Variants in KRT84 observed in about 807,000 individuals in gnomAD.
KRT84 encodes keratin 84, also known as keratin, type II cuticular Hb4.
Under a neutral mutation model 49.0 loss-of-function variants are expected in KRT84, and 38 were observed. That is an observed-to-expected ratio of 0.78 (90% CI 0.60 to 1.02). The LOEUF is 1.02. Ranked by LOEUF, KRT84 falls within the 50% of genes least tolerant of loss-of-function variation. The probability of loss-of-function intolerance (pLI) is 0.00; values close to 1 mark genes in which losing one functional copy is unlikely to be tolerated. For synonymous variants in KRT84, 334 were observed against 312.8 expected (o/e 1.07, Z -0.72); for missense variants, 860 against 788.6 (o/e 1.09, Z -1.08).
intron 1 of KRT84, 38 bp downstream of exon 1, chr12:52,385,002 A>G: frequency 1.3e-6 from 2 of 1,567,414 alleles, no homozygotes; most frequent in Non-Finnish European, 1.7e-6. Flanking sequence ...TTTTGGCTGT[A>G]ATATTCCTAG....
chr12:52,381,015 G>A (rs1436699016), intron 6 of KRT84, 65 bp downstream of exon 6: 5 of 1,584,288 alleles, frequency 3.2e-6, no homozygotes, highest in Non-Finnish European at 4.3e-6. Flanking sequence ...TAGACTTGGG[G>A]GTTCCCAAAG....
rs115344695 is a variant in KRT84, at chr12:52,382,345, T to C, written c.912+92A>G. On this transcript the variant is annotated intron_variant, in intron 4 of 8. Transcript: ENST00000257951. ...GAGAGGAAAGATATATGATAGCAAA[T>C]GTTTGAAAATATGCTAGCCCAGGCT... is the stretch of plus-strand genomic sequence containing the variant. 15 of 821,034 alleles carry C rather than the reference T, an allele frequency of 1.8e-5. No individual in the cohort carries two copies. The South Asian group carries it at 2.1e-4, about 11-fold the overall frequency. 50.9% of individuals were successfully genotyped at this position (821,034 alleles called of 1,614,324 possible).
In KRT84 at chr12:52,378,292, T is replaced by C; in HGVS notation, c.1545A>G (p.Ser515=). ...STLSRGGVTF[S]GSSSVCATSG... is the part of the protein sequence containing the mutation. ...TGGTGGCACAGACGCTGCTGCTACC[T>C]GAGAAGGTGACCCCGCCGCGGGAGA... is the stretch of plus-strand genomic sequence containing the variant. The change falls in exon 9 of 9, where the codon TCA becomes TCG. Residue 515 remains serine, a synonymous_variant. Coordinates refer to ENST00000257951, the MANE Select transcript of KRT84 (RefSeq NM_033045.4). The C allele has an allele frequency of 6.5e-7, 1 of 1,543,596 alleles. No individual in the cohort carries two copies. Among genetic ancestry groups the C allele is most frequent in the Non-Finnish European group, 8.7e-7 (1 of 1,146,448 alleles).
Position 52,383,898 on chromosome 12 carries a change from G to A in KRT84, c.547-100C>T, listed in dbSNP as rs75316369. ...GCCAGCGATGACTTGACCACATGTCGACAGGGTTCTCTCCTCTGCTGACTT... is the reference window on the plus strand; with the variant it reads ...GCCAGCGATGACTTGACCACATGTCAACAGGGTTCTCTCCTCTGCTGACTT... On this transcript the variant is annotated intron_variant, in intron 1 of 8. Transcript: ENST00000257951. 4.8e-3 allele frequency: 4,432 copies of A among 929,290 alleles called. 20 individuals carry two copies. The highest frequency in any genetic ancestry group is 6.0e-3 in the Non-Finnish European group (3,654 of 609,606). 57.6% of individuals were successfully genotyped at this position (929,290 alleles called of 1,614,324 possible).
At chr12:52,383,094 C>T (rs1433074578) in intron 2 of KRT84, 29 bp from the exon 3 acceptor site, 2 of 1,600,004 alleles carry the variant, frequency 1.3e-6, no homozygotes, top group East Asian at 4.5e-5. Flanking sequence ...AGGGTGAGTG[C>T]TTACTCTGAA....
rs531875451 is a variant in KRT84, at chr12:52,378,227, G to A, written c.1610C>T (p.Ala537Val). 32 of 1,566,800 alleles carry A rather than the reference G, an allele frequency of 2.0e-5. No individual in the cohort carries two copies. In the South Asian group the frequency reaches 3.6e-4, roughly 18 times the overall value. The part of the protein sequence containing the change: ...LASCGPSLGG[A>V]RVAPATGDLL... ...GTCCCCAGTGGCCGGGGCGACCCGG[G>A]CTCCACCCAGGCTGGGGCCACAGGA... Residue 537 changes from alanine (A) to valine (V), a missense_variant, in exon 9 of 9, where the codon GCC becomes GTC. By Grantham distance (64) the Ala-to-Val change is moderately conservative. Coordinates refer to ENST00000257951, the MANE Select transcript of KRT84 (RefSeq NM_033045.4).
At chr12:52,381,026 C>G (rs958115245) in intron 6 of KRT84, 54 bp downstream of exon 6, 2 of 1,596,338 alleles carry the variant, frequency 1.3e-6, no homozygotes, top group African/African-American at 1.3e-5. Context: ...GTTCCCAAAG[C>G]CTGAGGCCCT....
Position 52,381,193 on chromosome 12 carries a change from G to T in KRT84, c.1090C>A (p.Gln364Lys), listed in dbSNP as rs1592147215. The T allele has an allele frequency of 6.2e-7, 1 of 1,614,160 alleles. No homozygotes were observed. The highest frequency in any genetic ancestry group is 8.5e-7 in the Non-Finnish European group (1 of 1,180,038). Residue 364 changes from glutamine to lysine, a missense_variant, in exon 6 of 9, where the codon CAG becomes AAG. Gln to Lys is a moderately conservative substitution (Grantham distance 53, BLOSUM62 1). Coordinates refer to ENST00000257951, the MANE Select transcript of KRT84 (RefSeq NM_033045.4). ...AWYQTKYEEM[Q>K]VTAGQHCDNL... ...TCACAGTGTTGGCCAGCTGTCACCT[G>T]CATCTCTTCATACTGCGGAGAGAGG...
rs781387594 is a variant in KRT84 at position 52,380,059 on chromosome 12, G to T, written c.1425-152C>A. 6 of 724,632 alleles carry T rather than the reference G, an allele frequency of 8.3e-6. No homozygotes were observed. In the South Asian group the frequency reaches 9.2e-5, roughly 11 times the overall value. The allele number at this position is 724,632 out of a possible 1,614,324, so 44.9% of individuals were successfully genotyped here. A position where few individuals can be genotyped will look rare whatever the true frequency, so the allele number is the denominator to read the frequency against. On this transcript the variant is annotated intron_variant, in intron 7 of 8. Transcript: ENST00000257951. ...ACATCTGGGGAGCGTTGAAAAACAC[G>T]TTCTTAGACCCTATCCCAAAACCAT...
chr12:52,379,807 G>A, intron 8 of KRT84, 69 bp downstream of exon 8: 6 of 1,349,664 alleles, frequency 4.4e-6, no homozygotes, highest in Non-Finnish European at 6.4e-6. Flanking sequence ...TGACCCCAGT[G>A]TGAGCCTGAG....
rs777211528 is a variant in KRT84 at position 52,381,347 on chromosome 12, C to A, written c.1077+14G>T. ...AGAGCTGCCTACATCCCTTCCCCAG[C>A]CTCCACTGCCCACCTTGGTCTGGTA... On this transcript the variant is annotated intron_variant, in intron 5 of 8. Coordinates refer to ENST00000257951, the MANE Select transcript of KRT84 (RefSeq NM_033045.4). 1.2e-6 allele frequency: 2 copies of A among 1,614,114 alleles called. No homozygotes were observed. Among genetic ancestry groups the A allele is most frequent in the African/African-American group, 1.3e-5 (1 of 75,062 alleles).
chr12:52,384,354 T>C (rs1939538372), intron 1 of KRT84, among the ~76,000 whole-genome samples: 1 of 152,184 alleles, frequency 6.6e-6, no homozygotes, highest in Non-Finnish European at 1.5e-5. Flanking sequence ...TATCCTTCAT[T>C]CTCAGACATA....
At position 52,377,965 on chromosome 12, in the gene KRT84, C is replaced by A. The variant is rs908325753; in HGVS notation, c.*69G>T. The A allele has an allele frequency of 1.0e-5, 13 of 1,262,384 alleles. No individual in the cohort carries two copies. The African/African-American group carries it at 1.6e-4, about 15-fold the overall frequency. The allele number at this position is 1,262,384 out of a possible 1,614,324, so 78.2% of individuals were successfully genotyped here. On this transcript the variant is annotated 3_prime_UTR_variant, in exon 9 of 9. Transcript: ENST00000257951. ...GACCGTCAAGCCCAGAGCCCACGAA[C>A]CCTGGGGGCAGAAGCAGGAGCCGTG...
At chr12:52,384,978 A>G (rs2121445474) in intron 1 of KRT84, 62 bp downstream of exon 1, 1 of 1,493,088 alleles carries the variant, frequency 6.7e-7, no homozygotes, top group Middle Eastern at 2.4e-4. Flanking sequence ...TAAGGGAAAG[A>G]GCACTCTAGC....
At chr12:52,378,453 AC>A in intron 8 of KRT84, 73 bp from the exon 9 acceptor site, 1 of 1,250,196 alleles carries the variant, frequency 8.0e-7, no homozygotes, top group Non-Finnish European at 1.1e-6. Flanking sequence ...CCTGGGCTGC[AC>A]CTCCGGGTCT....
At chr12:52,381,880 G>A (rs1939490964) in intron 4 of KRT84, among the ~76,000 whole-genome samples, 1 of 152,182 alleles carries the variant, frequency 6.6e-6, no homozygotes, top group African/African-American at 2.4e-5. Context: ...ACAGACCGTT[G>A]AGACCTGACA....
rs925829103 is a variant in KRT84 at position 52,378,399 on chromosome 12, T to C, written c.1457-19A>G. The C allele has an allele frequency of 8.3e-6, 12 of 1,438,454 alleles. No individual in the cohort carries two copies. The highest frequency in any genetic ancestry group is 7.3e-6 in the Non-Finnish European group (8 of 1,098,696). 89.1% of individuals were successfully genotyped at this position (1,438,454 alleles called of 1,614,324 possible). A position where few individuals can be genotyped will look rare whatever the true frequency, so the allele number is the denominator to read the frequency against. ...CTGACGGCTGCGGAGAAAGAAAGCATCAGGGAGGCTGCCGACACCAGGGCC... is the reference window on the plus strand; with the variant it reads ...CTGACGGCTGCGGAGAAAGAAAGCACCAGGGAGGCTGCCGACACCAGGGCC... On this transcript the variant is annotated intron_variant, in intron 8 of 8. Transcript: ENST00000257951.
rs368914481 is a variant in KRT84, at chr12:52,382,489, T to C, written c.860A>G (p.Asn287Ser). ...AATTTCCTGAGTTAGGGTATCCACG[T>C]TGGCCTCGAGATCAGACTTGTTCAT... The part of the protein sequence containing the change: ...AFMNKSDLEA[N>S]VDTLTQEIDF... Residue 287 changes from asparagine (N) to serine (S), a missense_variant, in exon 4 of 9, where the codon AAC (asparagine) becomes AGC (serine). By Grantham distance (46) the Asn-to-Ser change is conservative (BLOSUM62 1). Coordinates refer to ENST00000257951, the MANE Select transcript of KRT84 (RefSeq NM_033045.4). The C allele has an allele frequency of 1.2e-6, 2 of 1,614,070 alleles. No homozygotes were observed. Among genetic ancestry groups the C allele is most frequent in the Non-Finnish European group, 1.7e-6 (2 of 1,180,016 alleles).
intron 8 of KRT84, among the ~76,000 whole-genome samples, chr12:52,378,740 C>T (rs1791618): frequency 0.4 from 60,146 of 152,062 alleles, 13,916 homozygotes; most frequent in East Asian, 0.67. Flanking sequence ...GCAGCTTCCA[C>T]AAAGCCATGG....
Sources: allele counts gnomAD v4.1 joint callset (sites outside exome capture counted in the v4.1 genomes callset), GRCh38; gene constraint gnomAD v4.1.1; transcripts MANE v1.5; gene names NCBI Gene and HGNC (gene_info 2026-07-23, HGNC 2026-07-21).